SH3RF3: variants seen among roughly 807,000 people sequenced by gnomAD.
SH3RF3 encodes SH3 domain containing ring finger 3, also known as E3 ubiquitin-protein ligase SH3RF3.
In SH3RF3, 29 loss-of-function variants were observed where a neutral mutation model predicts 66.3. That is an observed-to-expected ratio of 0.44 (90% CI 0.33 to 0.60). SH3RF3 has a LOEUF of 0.60. Ranked by LOEUF, SH3RF3 falls within the 20% of genes least tolerant of loss-of-function variation. The probability of loss-of-function intolerance (pLI) is 0.04; values close to 1 mark genes in which losing one functional copy is unlikely to be tolerated. For missense variants in SH3RF3, 1,194 were observed against 1,190.9 expected, an observed-to-expected ratio of 1.00 and a Z score of -0.04; for synonymous variants, 583 against 532.0, an observed-to-expected ratio of 1.10 and a Z score of -1.32.
chr2:109,404,083 G>A (rs796618955), intron 4 of SH3RF3, among the ~76,000 whole-genome samples: 6 of 152,296 alleles, frequency 3.9e-5, no homozygotes, highest in African/African-American at 1.4e-4. Context: ...TCTCTGGCTT[G>A]GTGCTGTGCT....
Position 109,437,115 on chromosome 2 carries a change from G to A in SH3RF3, c.1797G>A (p.Thr599=), listed in dbSNP as rs1559083425. The change falls in exon 7 of 10, where the codon ACG becomes ACA. Residue 599 remains threonine (T), a synonymous_variant. Transcript: ENST00000309415. The part of the protein sequence containing the change: ...GSCLRHSAQP[T]ASQARSTIST... ...GTCTACGGCACTCAGCCCAGCCAAC[G>A]GCCAGCCAAGCCCGGAGCACCATTT... The A allele has an allele frequency of 5.6e-6, 9 of 1,612,516 alleles. No individual in the cohort carries two copies. Among genetic ancestry groups the A allele is most frequent in the Admixed American group, 3.3e-5 (2 of 59,924 alleles).
intron 1 of SH3RF3, among the ~76,000 whole-genome samples, chr2:109,161,939 G>A (rs551253241): frequency 4.6e-4 from 70 of 152,130 alleles, no homozygotes; most frequent in South Asian, 8.3e-4. Flanking sequence ...TCCTGGGGAG[G>A]GGAGGGTTGG....
chr2:109,427,747 G>A (rs750924863), intron 5 of SH3RF3, among the ~76,000 whole-genome samples: 16 of 152,274 alleles, frequency 1.1e-4, no homozygotes, highest in East Asian at 1.9e-4. Context: ...ATCTCAACCC[G>A]CGTAACTGCC....
chr2:109,285,544 C>T (rs553536733), intron 1 of SH3RF3, among the ~76,000 whole-genome samples: 152 of 152,268 alleles, frequency 1.0e-3, no homozygotes, highest in African/African-American at 3.4e-3. Flanking sequence ...GCTTGCCTGG[C>T]GGTGGGAGCC....
intron 3 of SH3RF3, among the ~76,000 whole-genome samples, chr2:109,390,354 G>T (rs1039861205): frequency 1.3e-5 from 2 of 152,196 alleles, no homozygotes; most frequent in African/African-American, 4.8e-5. Context: ...GGACACCCCT[G>T]CTGAGGGGCT....
intron 9 of SH3RF3, among the ~76,000 whole-genome samples, chr2:109,493,556 A>G (rs1679184762): frequency 6.8e-6 from 1 of 148,116 alleles, no homozygotes; most frequent in African/African-American, 2.6e-5. Context: ...CCATACACAT[A>G]CATACCATAC....
At chr2:109,248,863 CTT>C (rs375706710) in intron 1 of SH3RF3, among the ~76,000 whole-genome samples, 88 of 137,802 alleles carry the variant, frequency 6.4e-4, no homozygotes, top group African/African-American at 1.9e-3. Context: ...TTTTCCTTTC[CTT>C]TTTCCTTTCC....
At chr2:109,191,026 A>C (rs7608125) in intron 1 of SH3RF3, among the ~76,000 whole-genome samples, 122,604 of 151,694 alleles carry the variant, frequency 0.81, 49,666 homozygotes, top group South Asian at 0.86. Context: ...CAGAGAGTAA[A>C]TATTTCAGGC....
At chr2:109,273,463 G>A (rs1326847724) in intron 1 of SH3RF3, among the ~76,000 whole-genome samples, 1 of 152,204 alleles carries the variant, frequency 6.6e-6, no homozygotes, top group Non-Finnish European at 1.5e-5. Context: ...CGGAGGAGGG[G>A]AGAAGGGAGA....
rs555646609 is a variant in SH3RF3, at chr2:109,280,437, C to T, written c.574-67237C>T. On this transcript the variant is annotated intron_variant, in intron 1 of 9. Coordinates refer to ENST00000309415, the MANE Select transcript of SH3RF3 (RefSeq NM_001099289.3). The stretch of plus-strand genomic sequence containing the variant: ...GGTGATGGGGCCCCAGTCTGGTGGA[C>T]GCTCAGCAATAGGAAGGGGAGCGGT... Among the ~76,000 whole-genome samples the T allele has an allele frequency of 2.0e-4, 30 of 152,248 alleles. No individual in the cohort carries two copies. The South Asian group carries it at 5.8e-3, about 29-fold the overall frequency.
intron 2 of SH3RF3, among the ~76,000 whole-genome samples, chr2:109,364,955 G>A (rs550068101): frequency 4.4e-4 from 67 of 152,254 alleles, no homozygotes; most frequent in African/African-American, 1.5e-3. Context: ...ACTGGGTGTA[G>A]TGGCACACGC....
At chr2:109,309,503 A>T (rs1432472117) in intron 1 of SH3RF3, among the ~76,000 whole-genome samples, 1 of 129,310 alleles carries the variant, frequency 7.7e-6, no homozygotes, top group Non-Finnish European at 1.6e-5. Context: ...ACATAACAAT[A>T]TTAACTTTAA....
intron 1 of SH3RF3, among the ~76,000 whole-genome samples, chr2:109,211,861 T>G (rs1012654321): frequency 2.0e-5 from 3 of 152,172 alleles, no homozygotes. Context: ...CAGGCTGGTT[T>G]CAAACTCTGG....
intron 8 of SH3RF3, among the ~76,000 whole-genome samples, chr2:109,477,722 C>T (rs1174823878): frequency 2.0e-5 from 3 of 152,070 alleles, no homozygotes; most frequent in African/African-American, 7.2e-5. Context: ...ACCACAGATT[C>T]GGTGTCTGGT....
At chr2:109,432,430 C>T in intron 5 of SH3RF3, 71 bp from the exon 6 acceptor site, 1 of 1,574,536 alleles carries the variant, frequency 6.4e-7, no homozygotes, top group East Asian at 2.3e-5. Context: ...CAACCTCCCC[C>T]CAGGAATGCC....
intron 1 of SH3RF3, among the ~76,000 whole-genome samples, chr2:109,321,079 A>G (rs1046341744): frequency 6.6e-6 from 1 of 152,240 alleles, no homozygotes; most frequent in Non-Finnish European, 1.5e-5. Context: ...AATGATTACT[A>G]CTGATAATGA....
At chr2:109,130,322 T>A (rs1224701818) in intron 1 of SH3RF3, among the ~76,000 whole-genome samples, 1 of 152,212 alleles carries the variant, frequency 6.6e-6, no homozygotes, top group East Asian at 1.9e-4. Context: ...TGTCCCATCC[T>A]CCTGTGGAGT....
intron 1 of SH3RF3, among the ~76,000 whole-genome samples, chr2:109,277,241 C>T (rs1680777891): frequency 6.6e-6 from 1 of 152,162 alleles, no homozygotes; most frequent in Non-Finnish European, 1.5e-5. Context: ...ATGTGTCACA[C>T]TTGGCCTCTC....
At chr2:109,313,374 G>A (rs1167841005) in intron 1 of SH3RF3, among the ~76,000 whole-genome samples, 1 of 152,226 alleles carries the variant, frequency 6.6e-6, no homozygotes, top group Admixed American at 6.5e-5. Flanking sequence ...GCACAGCCCG[G>A]GATGAGACTG....
Sources: allele counts gnomAD v4.1 joint callset (sites outside exome capture counted in the v4.1 genomes callset), GRCh38; gene constraint gnomAD v4.1.1; transcripts MANE v1.5; gene names NCBI Gene and HGNC (gene_info 2026-07-23, HGNC 2026-07-21).